Variants in THADA observed in about 807,000 individuals in gnomAD.
THADA encodes THADA armadillo repeat containing, also known as tRNA (32-2'-O)-methyltransferase regulator THADA.
In THADA, 213 loss-of-function variants were observed where a neutral mutation model predicts 219.8. That is an observed-to-expected ratio of 0.97 (90% CI 0.87 to 1.09). The LOEUF (loss-of-function observed/expected upper bound fraction) is 1.09, where lower values mean the gene tolerates loss of function less well. Among genes scored for constraint, THADA ranks in the 50% least tolerant of loss-of-function variants. The pLI, the probability that THADA is intolerant of heterozygous loss-of-function variation, is 0.00. For synonymous variants in THADA, 1,018 were observed against 828.9 expected, an observed-to-expected ratio of 1.23 and a Z score of -3.92; for missense variants, 2,956 against 2,311.3, an observed-to-expected ratio of 1.28 and a Z score of -5.72.
chr2:43,488,381 C>A (rs1687169700), intron 25 of THADA, among the ~76,000 whole-genome samples: 1 of 152,116 alleles, frequency 6.6e-6, no homozygotes, highest in Admixed American at 6.6e-5. Flanking sequence ...TACTTTGTGT[C>A]TCTATAAACT....
chr2:43,519,560 T>G (rs1019490303), intron 22 of THADA, among the ~76,000 whole-genome samples: 3 of 152,238 alleles, frequency 2.0e-5, no homozygotes, highest in African/African-American at 7.2e-5. Flanking sequence ...ATTCAAGTCC[T>G]CACATCCCTC....
At chr2:43,396,637 C>T (rs1182985599) in intron 29 of THADA, among the ~76,000 whole-genome samples, 2 of 151,740 alleles carry the variant, frequency 1.3e-5, no homozygotes, top group African/African-American at 2.4e-5. Flanking sequence ...CCCATCTCTA[C>T]TAAAAATACA....
At chr2:43,333,967 G>A (rs558948255) in intron 30 of THADA, among the ~76,000 whole-genome samples, 1 of 152,288 alleles carries the variant, frequency 6.6e-6, no homozygotes, top group South Asian at 2.1e-4. Context: ...GAATAAATTT[G>A]GTGGTGAGAA....
intron 7 of THADA, among the ~76,000 whole-genome samples, chr2:43,582,545 C>T (rs1700570324): frequency 6.9e-6 from 1 of 145,406 alleles, no homozygotes; most frequent in Non-Finnish European, 1.5e-5. Context: ...ACTCTCTCAA[C>T]ATTGATATAT....
chr2:43,248,156 T>TAGAGAGAGAGAGAG (rs1669386804), intron 36 of THADA, among the ~76,000 whole-genome samples: 1 of 76,058 alleles, frequency 1.3e-5, no homozygotes, highest in Non-Finnish European at 2.4e-5. Context: ...TATATATATA[T>TAGAGAGAGAGAGAG]ATATATATAG....
chr2:43,235,510 C>G (rs778491081), intron 36 of THADA, among the ~76,000 whole-genome samples: 2 of 152,018 alleles, frequency 1.3e-5, no homozygotes, highest in South Asian at 2.1e-4. Context: ...TCAGGCTGAT[C>G]TCGAACTCCT....
At chr2:43,431,711 C>A (rs1210222947) in intron 26 of THADA, among the ~76,000 whole-genome samples, 9 of 53,042 alleles carry the variant, frequency 1.7e-4, no homozygotes, top group African/African-American at 4.7e-4. Context: ...GTCGCCCAGG[C>A]TGGAATGCAG....
At chr2:43,282,578 TCTA>T (rs779380239) in intron 35 of THADA, among the ~76,000 whole-genome samples, 33 of 152,152 alleles carry the variant, frequency 2.2e-4, no homozygotes, top group Non-Finnish European at 1.5e-5. Context: ...AAAATATAAT[TCTA>T]CTAATAGGTG....
At position 43,571,772 on chromosome 2, in the gene THADA, T is replaced by C. The variant is rs753520598; in HGVS notation, c.1999A>G (p.Ile667Val). 3.1e-6 allele frequency: 5 copies of C among 1,613,900 alleles called. No homozygotes were observed. In the Admixed American group the frequency reaches 6.7e-5, roughly 22 times the overall value. The change falls in exon 13 of 38, where the codon ATT (isoleucine) becomes GTT (valine). Residue 667 changes from isoleucine (I) to valine (V), a missense_variant. Transcript: ENST00000405975. ...MEEMQWIQFF[I>V]TYNLNSQSPG... ...GACTGGCTGTTAAGATTGTATGTAATAAAGAACTGAATCCACTGCATTTCT... is the reference window on the plus strand; with the variant it reads ...GACTGGCTGTTAAGATTGTATGTAACAAAGAACTGAATCCACTGCATTTCT...
At chr2:43,437,161 G>A (rs1295733454) in intron 26 of THADA, among the ~76,000 whole-genome samples, 1 of 152,172 alleles carries the variant, frequency 6.6e-6, no homozygotes, top group Non-Finnish European at 1.5e-5. Flanking sequence ...ATCACTGATA[G>A]CACTTCAGCC....
chr2:43,329,672 A>C (rs1229595875), intron 30 of THADA, among the ~76,000 whole-genome samples: 1 of 152,254 alleles, frequency 6.6e-6, no homozygotes, highest in East Asian at 1.9e-4. Flanking sequence ...GCAGAAACCA[A>C]GAATAGAATC....
At chr2:43,564,395 C>G (rs769723898) in intron 15 of THADA, 3 of 152,288 alleles carry the variant, frequency 2.0e-5, no homozygotes, top group Non-Finnish European at 2.9e-5. Context: ...CTAGCAGCTG[C>G]AGGCATTCCA....
chr2:43,252,267 T>C (rs1669885052), intron 36 of THADA, among the ~76,000 whole-genome samples: 1 of 152,326 alleles, frequency 6.6e-6, no homozygotes, highest in Admixed American at 6.5e-5. Flanking sequence ...CAATTAACCA[T>C]GATGACATCT....
chr2:43,505,866 A>G, intron 23 of THADA, 131 bp from the exon 24 acceptor site: 1 of 677,442 alleles, frequency 1.5e-6, no homozygotes. Flanking sequence ...AAGTTAATTA[A>G]GCCATGTGGC....
intron 28 of THADA, among the ~76,000 whole-genome samples, chr2:43,419,378 T>C (rs1266716350): frequency 2.6e-5 from 4 of 152,208 alleles, no homozygotes; most frequent in Non-Finnish European, 5.9e-5. Flanking sequence ...GAAGGTATCC[T>C]GAGCAGCTGA....
chr2:43,546,709 T>C (rs1407368085), intron 20 of THADA, among the ~76,000 whole-genome samples: 1 of 152,114 alleles, frequency 6.6e-6, no homozygotes, highest in Non-Finnish European at 1.5e-5. Flanking sequence ...CTTTTTTTGG[T>C]TTCCATTTGC....
intron 29 of THADA, among the ~76,000 whole-genome samples, chr2:43,371,013 T>C (rs1670738816): frequency 6.6e-6 from 1 of 152,228 alleles, no homozygotes; most frequent in African/African-American, 2.4e-5. Flanking sequence ...AGAACAAGAT[T>C]AATGAATATT....
At position 43,427,503 on chromosome 2, in the gene THADA, TTG is replaced by T. The variant is rs70963397; in HGVS notation, c.4058+595_4058+596del. On this transcript the variant is annotated intron_variant, in intron 28 of 37. Transcript: ENST00000405975. ...GCTTTCACAAGACCCCTCCCAAAGT[TTG>T]TGTGTGTGTGTGTGTGTGTGTGTGT... 7.6e-3 allele frequency among the ~76,000 whole-genome samples: 1,070 copies of T among 140,614 alleles called. 12 individuals carry two copies. The highest frequency in any genetic ancestry group is 0.022 in the African/African-American group (833 of 37,690). The allele number at this position is 140,614 out of a possible 152,430, so 92.2% of individuals were successfully genotyped here. A position where few individuals can be genotyped will look rare whatever the true frequency, so the allele number is the denominator to read the frequency against.
At chr2:43,307,275 CGAT>C (rs1465750596) in intron 31 of THADA, among the ~76,000 whole-genome samples, 2 of 152,024 alleles carry the variant, frequency 1.3e-5, no homozygotes, top group East Asian at 3.8e-4. Flanking sequence ...TCAGTTGAAA[CGAT>C]GAGATATCAG....
Sources: gnomAD v4.1 joint callset for allele counts (sites outside exome capture counted in the v4.1 genomes callset) on GRCh38, gnomAD v4.1.1 for gene constraint, MANE v1.5 for transcripts, NCBI Gene and HGNC (gene_info 2026-07-23, HGNC 2026-07-21) for gene names.